Variants in PTPRD observed in about 807,000 individuals in gnomAD.
PTPRD encodes the protein receptor-type tyrosine-protein phosphatase delta.
Under a neutral mutation model 214.5 loss-of-function variants are expected in PTPRD, and 34 were observed. The observed-to-expected ratio is 0.16, with a 90% CI of 0.12 to 0.21. The LOEUF is 0.21. Ranked by LOEUF, PTPRD falls within the 10% of genes least tolerant of loss-of-function variation. The pLI is 1.00. For missense variants in PTPRD, 2,545 were observed against 2,398.7 expected, an observed-to-expected ratio of 1.06 and a Z score of -1.27; for synonymous variants, 1,128 against 845.7, an observed-to-expected ratio of 1.33 and a Z score of -5.79.
intron 5 of PTPRD, among the ~76,000 whole-genome samples, chr9:9,792,638 A>C (rs2098975748): frequency 6.6e-6 from 1 of 152,208 alleles, no homozygotes; most frequent in Admixed American, 6.5e-5. Context: ...ATGAGGAAGT[A>C]CACTCAGTGG....
chr9:9,286,897 T>C lies in PTPRD; in HGVS notation c.-202-103534A>G, dbSNP rs1185239161. Among the ~76,000 whole-genome samples, 4 of 21,244 alleles carry C rather than the reference T, an allele frequency of 1.9e-4. No homozygotes were observed. The East Asian group carries it at 9.9e-3, about 53-fold the overall frequency. 13.9% of individuals were successfully genotyped at this position (21,244 alleles called of 152,430 possible). A position where few individuals can be genotyped will look rare whatever the true frequency, so the allele number is the denominator to read the frequency against. On this transcript the variant is annotated intron_variant, in intron 9 of 45. Transcript: ENST00000381196. ...GAATATATATATATATATATATATATATATATATATATATATATATATATA... is the reference window on the plus strand; with the variant it reads ...GAATATATATATATATATATATATACATATATATATATATATATATATATA...
At chr9:9,797,572 A>C (rs1267720637) in intron 5 of PTPRD, among the ~76,000 whole-genome samples, 2 of 152,104 alleles carry the variant, frequency 1.3e-5, no homozygotes, top group African/African-American at 4.8e-5. Flanking sequence ...CAGGTCGTGC[A>C]TGGTGGCTCA....
At chr9:10,277,512 A>G (rs2094780617) in intron 3 of PTPRD, among the ~76,000 whole-genome samples, 1 of 152,206 alleles carries the variant, frequency 6.6e-6, no homozygotes, top group Non-Finnish European at 1.5e-5. Flanking sequence ...ATAATCATAG[A>G]GCCTAACATA....
chr9:10,499,535 G>A (rs369413401), intron 2 of PTPRD, among the ~76,000 whole-genome samples: 1 of 151,888 alleles, frequency 6.6e-6, no homozygotes, highest in Non-Finnish European at 1.5e-5. Flanking sequence ...TGTGACTAAT[G>A]AAAATGTTTG....
At chr9:8,567,675 T>G (rs2089798837) in intron 14 of PTPRD, among the ~76,000 whole-genome samples, 1 of 152,198 alleles carries the variant, frequency 6.6e-6, no homozygotes, top group Non-Finnish European at 1.5e-5. Context: ...GCTCAGTAAA[T>G]TCAGTATTTT....
chr9:10,517,459 T>C (rs1196912259), intron 2 of PTPRD, among the ~76,000 whole-genome samples: 1 of 151,906 alleles, frequency 6.6e-6, no homozygotes, highest in African/African-American at 2.4e-5. Context: ...TTTCTAGAAG[T>C]ATTTTTTGTG....
intron 9 of PTPRD, among the ~76,000 whole-genome samples, chr9:9,210,551 C>A (rs934511448): frequency 6.6e-6 from 1 of 152,072 alleles, no homozygotes. Context: ...TCCTTCCTTG[C>A]TTCTTTTGAA....
intron 3 of PTPRD, among the ~76,000 whole-genome samples, chr9:10,204,325 C>G (rs114613843): frequency 3.1e-4 from 47 of 152,218 alleles, no homozygotes; most frequent in African/African-American, 1.1e-3. Context: ...AGTATCTGTT[C>G]CACACCATGA....
chr9:9,598,639 AT>A (rs1454545632), intron 7 of PTPRD, among the ~76,000 whole-genome samples: 1 of 151,964 alleles, frequency 6.6e-6, no homozygotes, highest in African/African-American at 2.4e-5. Flanking sequence ...AAGTCTTACA[AT>A]TTTTTTGTTA....
At chr9:9,702,350 T>A (rs1412988857) in intron 7 of PTPRD, among the ~76,000 whole-genome samples, 2 of 152,098 alleles carry the variant, frequency 1.3e-5, no homozygotes, top group Non-Finnish European at 1.5e-5. Flanking sequence ...GGCAATAGTG[T>A]GAGATCACAA....
At chr9:9,195,086 G>GTGTATATATATATATATATA (rs1554959656) in intron 9 of PTPRD, among the ~76,000 whole-genome samples, 84 of 131,172 alleles carry the variant, frequency 6.4e-4, no homozygotes, top group Non-Finnish European at 9.5e-4. Flanking sequence ...GTGTGTTTGT[G>GTGTATATATATATATATATA]TATATATATA....
intron 9 of PTPRD, among the ~76,000 whole-genome samples, chr9:9,248,182 T>C (rs2099973897): frequency 6.6e-6 from 1 of 152,012 alleles, no homozygotes; most frequent in Non-Finnish European, 1.5e-5. Context: ...AACCTTTAAC[T>C]CCCAGGTTCA....
At chr9:9,710,950 C>A (rs1369140868) in intron 7 of PTPRD, among the ~76,000 whole-genome samples, 4 of 151,988 alleles carry the variant, frequency 2.6e-5, no homozygotes, top group African/African-American at 9.7e-5. Flanking sequence ...TGGTCCTAGT[C>A]TGAGAGCGAG....
At chr9:9,493,253 A>G (rs2096002719) in intron 8 of PTPRD, among the ~76,000 whole-genome samples, 2 of 152,116 alleles carry the variant, frequency 1.3e-5, no homozygotes, top group African/African-American at 2.4e-5. Context: ...CAAAGCCTGT[A>G]TGACAACACA....
chr9:10,139,312 G>A (rs1252834798), intron 3 of PTPRD, among the ~76,000 whole-genome samples: 1 of 151,340 alleles, frequency 6.6e-6, no homozygotes, highest in Non-Finnish European at 1.5e-5. Context: ...CAGGAATACT[G>A]CTAATCAAGG....
At chr9:8,484,479 T>G in intron 29 of PTPRD, 101 bp from the exon 30 acceptor site, 1 of 1,189,522 alleles carries the variant, frequency 8.4e-7, no homozygotes, top group South Asian at 1.6e-5. Context: ...GTATATATAG[T>G]CAATTCTAAT....
intron 3 of PTPRD, among the ~76,000 whole-genome samples, chr9:10,076,946 T>C (rs2098141340): frequency 6.6e-6 from 1 of 152,188 alleles, no homozygotes; most frequent in Non-Finnish European, 1.5e-5. Flanking sequence ...CTTAGCCATA[T>C]AGCTTGGTAC....
intron 8 of PTPRD, among the ~76,000 whole-genome samples, chr9:9,551,935 A>C (rs1346926158): frequency 2.0e-5 from 3 of 151,820 alleles, no homozygotes; most frequent in Non-Finnish European, 4.4e-5. Flanking sequence ...GAGTTGGCTG[A>C]CATAGAAGTG....
intron 11 of PTPRD, among the ~76,000 whole-genome samples, chr9:9,014,740 G>A (rs424051): frequency 0.36 from 54,143 of 151,982 alleles, 9,905 homozygotes; most frequent in Middle Eastern, 0.46. Flanking sequence ...AACACATTGA[G>A]CCTCTAATTT....
Sources: allele counts gnomAD v4.1 joint callset (sites outside exome capture counted in the v4.1 genomes callset), GRCh38; gene constraint gnomAD v4.1.1; transcripts MANE v1.5; gene names NCBI Gene and HGNC (gene_info 2026-07-23, HGNC 2026-07-21).